Variants in CNTN1 observed in about 807,000 individuals in gnomAD.
The protein encoded by CNTN1 is contactin 1, also known as contactin-1.
Under a neutral mutation model 126.4 loss-of-function variants are expected in CNTN1, and 38 were observed. The observed-to-expected ratio is 0.30, with a 90% CI of 0.23 to 0.39. CNTN1 has a LOEUF of 0.39. Among genes scored for constraint, CNTN1 ranks in the 10% least tolerant of loss-of-function variants. CNTN1 has a pLI of 1.00. For missense variants in CNTN1, 1,009 were observed against 1,248.4 expected, an observed-to-expected ratio of 0.81 and a Z score of 2.89; for synonymous variants, 413 against 422.6, an observed-to-expected ratio of 0.98 and a Z score of 0.28.
At chr12:40,729,030 C>T (rs545489793) in intron 1 of CNTN1, 1 of 154,070 alleles carries the variant, frequency 6.5e-6, no homozygotes, top group South Asian at 2.0e-4. Flanking sequence ...ACCCGTGGGC[C>T]AGTGTTAATA....
Position 40,914,044 on chromosome 12 carries a change from T to C in CNTN1, c.94+3939T>C, listed in dbSNP as rs1403108725. On this transcript the variant is annotated intron_variant, in intron 3 of 23. Transcript: ENST00000551295. ...CTCCTTTTAAGAAGAATCTATCTAGTAAAAAAAAGGAATGTATTAAAAAAT... is the reference window on the plus strand; with the variant it reads ...CTCCTTTTAAGAAGAATCTATCTAGCAAAAAAAAGGAATGTATTAAAAAAT... Among the ~76,000 whole-genome samples, 4 of 151,714 alleles carry C rather than the reference T, an allele frequency of 2.6e-5. No individual in the cohort carries two copies. In the East Asian group the frequency reaches 7.7e-4, roughly 29 times the overall value.
intron 17 of CNTN1, among the ~76,000 whole-genome samples, chr12:40,996,388 T>C (rs1459574944): frequency 6.6e-6 from 1 of 152,130 alleles, no homozygotes; most frequent in African/African-American, 2.4e-5. Flanking sequence ...CACCTTGGCC[T>C]CCCAAAGTGT....
chr12:40,863,957 T>TC (rs1943206656), intron 1 of CNTN1, among the ~76,000 whole-genome samples: 1 of 112,006 alleles, frequency 8.9e-6, no homozygotes, highest in African/African-American at 4.1e-5. Context: ...CCTCCCTCTC[T>TC]TCTCCTTCTC....
chr12:40,863,443 T>C (rs1943181340), intron 1 of CNTN1, among the ~76,000 whole-genome samples: 1 of 152,224 alleles, frequency 6.6e-6, no homozygotes, highest in Non-Finnish European at 1.5e-5. Flanking sequence ...TTTGACATAG[T>C]AAAGGTTTAT....
chr12:41,053,062 A>G (rs1197480605), intron 23 of CNTN1, among the ~76,000 whole-genome samples: 3 of 151,696 alleles, frequency 2.0e-5, no homozygotes, highest in Admixed American at 6.6e-5. Flanking sequence ...CTACATAGAT[A>G]TTATAATCCA....
intron 1 of CNTN1, among the ~76,000 whole-genome samples, chr12:40,699,501 A>C (rs1041028024): frequency 6.6e-6 from 1 of 152,228 alleles, no homozygotes; most frequent in African/African-American, 2.4e-5. Context: ...TCAGTCAATA[A>C]ATATCTTTTA....
Position 40,906,684 on chromosome 12 carries a change from G to GT in CNTN1, c.-76-1665dup, listed in dbSNP as rs1349048425. On this transcript the variant is annotated intron_variant, in intron 1 of 23. Transcript: ENST00000551295. Reference sequence around the variant, plus strand: ...GTTTTTCATGCTTTTTTTTTGTTTTGTTTTTTTTGAGATGGAGTTTCGCTC... The same window carrying GT: ...GTTTTTCATGCTTTTTTTTTGTTTTGTTTTTTTTTGAGATGGAGTTTCGCTC... 7.5e-4 allele frequency among the ~76,000 whole-genome samples: 93 copies of GT among 123,786 alleles called. 1 individual carries two copies. The highest frequency in any genetic ancestry group is 2.6e-3 in the African/African-American group (84 of 32,276). The allele number at this position is 123,786 out of a possible 152,430, so 81.2% of individuals were successfully genotyped here.
chr12:40,836,618 G>A (rs989473151), intron 1 of CNTN1, among the ~76,000 whole-genome samples: 3 of 152,074 alleles, frequency 2.0e-5, no homozygotes, highest in Non-Finnish European at 2.9e-5. Context: ...AATCAGGAGA[G>A]GACATCAAGG....
intron 1 of CNTN1, among the ~76,000 whole-genome samples, chr12:40,745,547 AT>A (rs1245437037): frequency 2.0e-5 from 3 of 152,136 alleles, no homozygotes; most frequent in African/African-American, 7.2e-5. Flanking sequence ...AAGATAAGGG[AT>A]TATGGAGAAC....
chr12:40,868,030 C>G (rs560173972), intron 1 of CNTN1, among the ~76,000 whole-genome samples: 1 of 151,936 alleles, frequency 6.6e-6, no homozygotes, highest in South Asian at 2.1e-4. Flanking sequence ...TTTAGCTTTA[C>G]TACTGGAGAA....
intron 23 of CNTN1, among the ~76,000 whole-genome samples, chr12:41,056,917 T>TA (rs748971843): frequency 0.09 from 6,297 of 69,974 alleles, 1,352 homozygotes; most frequent in African/African-American, 0.38. Flanking sequence ...TAAATATTTA[T>TA]AATATTTAGA....
chr12:40,993,375 C>G (rs1468964963), intron 17 of CNTN1, 106 bp downstream of exon 17: 1 of 937,318 alleles, frequency 1.1e-6, no homozygotes, highest in African/African-American at 1.6e-5. Context: ...GTAAGTGATT[C>G]ATCTGAAAAG....
At chr12:40,891,797 C>T (rs1468905216) in intron 1 of CNTN1, among the ~76,000 whole-genome samples, 1 of 152,016 alleles carries the variant, frequency 6.6e-6, no homozygotes, top group East Asian at 1.9e-4. Flanking sequence ...GCTTTATAGT[C>T]TTTATGGCTT....
chr12:40,980,915 C>T lies in CNTN1; in HGVS notation c.1811C>T (p.Pro604Leu). ...ACCCACATTTTCATTTCAGGCCCTC[C>T]AGGCCCTCCAGGTGGTCTGAGAATA... ...ASADLVVRGP[P>L]GPPGGLRIED... The change falls in exon 16 of 24, where the codon CCA becomes CTA. Residue 604 changes from proline to leucine, a missense_variant. Physicochemically the swap from Pro to Leu is moderately conservative, Grantham distance 98. Coordinates refer to ENST00000551295, the MANE Select transcript of CNTN1 (RefSeq NM_001843.4). 2 of 1,613,904 alleles carry T rather than the reference C, an allele frequency of 1.2e-6. No homozygotes were observed. Among genetic ancestry groups the T allele is most frequent in the Non-Finnish European group, 1.7e-6 (2 of 1,179,868 alleles).
intron 1 of CNTN1, among the ~76,000 whole-genome samples, chr12:40,733,226 C>T (rs896324086): frequency 3.3e-5 from 5 of 151,890 alleles, no homozygotes; most frequent in African/African-American, 9.7e-5. Flanking sequence ...CCTTAAAATA[C>T]AATGTTGCCT....
intron 1 of CNTN1, among the ~76,000 whole-genome samples, chr12:40,757,155 C>G (rs186748511): frequency 1.3e-5 from 2 of 152,150 alleles, no homozygotes; most frequent in Non-Finnish European, 2.9e-5. Context: ...GTCTCTTTCT[C>G]TCCTTCTAAG....
At chr12:40,871,156 C>A (rs1226068953) in intron 1 of CNTN1, among the ~76,000 whole-genome samples, 2 of 145,666 alleles carry the variant, frequency 1.4e-5, no homozygotes, top group Non-Finnish European at 3.0e-5. Context: ...AGTGAGAAAT[C>A]CCTAAGTAGT....
At chr12:40,983,958 ATATT>A (rs1947887608) in intron 16 of CNTN1, among the ~76,000 whole-genome samples, 1 of 147,270 alleles carries the variant, frequency 6.8e-6, no homozygotes, top group Admixed American at 6.8e-5. Context: ...AGTAATATAT[ATATT>A]GCTATAATAG....
At chr12:40,808,820 C>T (rs369606073) in intron 1 of CNTN1, among the ~76,000 whole-genome samples, 18 of 152,170 alleles carry the variant, frequency 1.2e-4, no homozygotes, top group Middle Eastern at 3.4e-3. Context: ...TAAAAACAAA[C>T]GAACAAATAA....
Sources: allele counts gnomAD v4.1 joint callset (sites outside exome capture counted in the v4.1 genomes callset), GRCh38; gene constraint gnomAD v4.1.1; transcripts MANE v1.5; gene names NCBI Gene and HGNC (gene_info 2026-07-23, HGNC 2026-07-21).